Variants in MYO3A observed in about 807,000 individuals in gnomAD.
MYO3A encodes myosin-IIIa.
MYO3A carries 180 observed loss-of-function variants against 192.7 expected under a neutral mutation model. The observed-to-expected ratio is 0.93, with a 90% confidence interval of 0.83 to 1.06. The LOEUF is 1.06. MYO3A is among the 50% of genes least tolerant of loss of function. The pLI, the probability that MYO3A is intolerant of heterozygous loss-of-function variation, is 0.00. For missense variants in MYO3A, 1,896 were observed against 1,905.0 expected, an observed-to-expected ratio of 1.00 and a Z score of 0.09; for synonymous variants, 628 against 645.3, an observed-to-expected ratio of 0.97 and a Z score of 0.41.
At chr10:26,094,158 C>T (rs1024034567) in intron 15 of MYO3A, among the ~76,000 whole-genome samples, 3 of 152,166 alleles carry the variant, frequency 2.0e-5, no homozygotes, top group Admixed American at 6.5e-5. Flanking sequence ...TAATTATTAG[C>T]GTGTCTGTCA....
intron 10 of MYO3A, among the ~76,000 whole-genome samples, chr10:26,047,508 T>G (rs1295108566): frequency 6.6e-6 from 1 of 152,236 alleles, no homozygotes; most frequent in Non-Finnish European, 1.5e-5. Flanking sequence ...GCACAGTGGC[T>G]CACGCCTGTA....
At chr10:26,179,724 A>AG (rs1428730447) in intron 31 of MYO3A, among the ~76,000 whole-genome samples, 1 of 152,236 alleles carries the variant, frequency 6.6e-6, no homozygotes, top group Non-Finnish European at 1.5e-5. Flanking sequence ...GATTTGTTTG[A>AG]GAAAAAAAGA....
In MYO3A at chr10:26,143,553, C is replaced by T. The variant is rs1286709487; in HGVS notation, c.2368C>T (p.Leu790Phe). The T allele has an allele frequency of 8.1e-6, 13 of 1,613,924 alleles. No individual in the cohort carries two copies. Among genetic ancestry groups the T allele is most frequent in the African/African-American group, 1.3e-5 (1 of 74,924 alleles). Residue 790 changes from leucine to phenylalanine, a missense_variant, in exon 21 of 35, where the codon CTT (leucine) becomes TTT (phenylalanine). Physicochemically the swap from Leu to Phe is conservative, Grantham distance 22 (BLOSUM62 0). Coordinates refer to ENST00000642920, the MANE Select transcript of MYO3A (RefSeq NM_017433.5). ...AAAGCCAATGGGTTTACTTTCCCTA[C>T]TTGATGAAGAAAGTAGATTTCCCAA... ...LQKPMGLLSL[L>F]DEESRFPKAT...
chr10:25,996,740 A>T, intron 5 of MYO3A, 146 bp downstream of exon 5: 1 of 733,918 alleles, frequency 1.4e-6, no homozygotes, highest in Non-Finnish European at 2.3e-6. Flanking sequence ...CATGTTCAGC[A>T]TAGCTAATTC....
Position 25,955,000 on chromosome 10 carries a change from G to A in MYO3A, c.295G>A (p.Val99Ile). 2 of 1,612,918 alleles carry A rather than the reference G, an allele frequency of 1.2e-6. No homozygotes were observed. Among genetic ancestry groups the A allele is most frequent in the Middle Eastern group, 3.3e-4 (2 of 6,050 alleles). ...DKVNGDKLWLVLELCSGGSVT... is the reference protein window; with the variant it reads ...DKVNGDKLWLILELCSGGSVT... ...AGTAAATGGAGACAAGCTGTGGTTG[G>A]TTCTTGAGGTAAGTGTGTCAGCATC... Residue 99 changes from valine to isoleucine, a missense_variant, in exon 4 of 35, where the codon GTT (valine) becomes ATT (isoleucine). By Grantham distance (29) the Val-to-Ile change is conservative. Transcript: ENST00000642920.
chr10:26,149,718 AAC>A (rs1564598453), intron 23 of MYO3A, among the ~76,000 whole-genome samples: 2 of 152,238 alleles, frequency 1.3e-5, no homozygotes, highest in African/African-American at 4.8e-5. Flanking sequence ...CCAGCTAATT[AAC>A]ATATACATTA....
At chr10:25,999,750 A>G (rs765572949) in intron 6 of MYO3A, among the ~76,000 whole-genome samples, 2 of 152,158 alleles carry the variant, frequency 1.3e-5, no homozygotes, top group African/African-American at 2.4e-5. Context: ...GCACCACCTC[A>G]TCTGTCTAGA....
chr10:25,963,521 T>A (rs943722334), intron 4 of MYO3A, among the ~76,000 whole-genome samples: 2 of 152,184 alleles, frequency 1.3e-5, no homozygotes, highest in Non-Finnish European at 2.9e-5. Context: ...ATAAAGCCTT[T>A]GCGGACTTGT....
At chr10:25,981,650 A>G (rs1052224344) in intron 4 of MYO3A, among the ~76,000 whole-genome samples, 3 of 152,370 alleles carry the variant, frequency 2.0e-5, no homozygotes, top group Non-Finnish European at 2.9e-5. Context: ...GAGAAATTAT[A>G]TGGATGGCAA....
chr10:26,051,793 A>G (rs1844021877), intron 10 of MYO3A, among the ~76,000 whole-genome samples: 1 of 151,912 alleles, frequency 6.6e-6, no homozygotes, highest in Admixed American at 6.6e-5. Context: ...TTTTATTAGA[A>G]CACAGCTATG....
chr10:26,126,031 T>A (rs1338491164), intron 19 of MYO3A, among the ~76,000 whole-genome samples: 1 of 152,202 alleles, frequency 6.6e-6, no homozygotes, highest in African/African-American at 2.4e-5. Flanking sequence ...TATTTTCATA[T>A]TTTAACTCTC....
chr10:25,987,130 A>G (rs1839702568), intron 4 of MYO3A, among the ~76,000 whole-genome samples: 1 of 152,212 alleles, frequency 6.6e-6, no homozygotes, highest in African/African-American at 2.4e-5. Flanking sequence ...CTATTCAACA[A>G]ATGGTGCTGG....
chr10:25,954,927 C>T lies in MYO3A; in HGVS notation c.222C>T (p.Asp74=). ...AEYNILKALS[D]HPNVVRFYGI... ...ATAACATCTTAAAAGCACTTTCTGA[C>T]CACCCTAATGTGGTCAGATTCTATG... is the stretch of plus-strand genomic sequence containing the variant. The change falls in exon 4 of 35, where the codon GAC becomes GAT. Residue 74 remains aspartate, a synonymous_variant. Coordinates refer to ENST00000642920, the MANE Select transcript of MYO3A (RefSeq NM_017433.5). The T allele has an allele frequency of 6.2e-7, 1 of 1,612,262 alleles. No homozygotes were observed. Among genetic ancestry groups the T allele is most frequent in the South Asian group, 1.1e-5 (1 of 91,046 alleles).
intron 17 of MYO3A, among the ~76,000 whole-genome samples, chr10:26,106,225 C>T (rs1162696571): frequency 2.0e-5 from 3 of 152,044 alleles, no homozygotes; most frequent in Non-Finnish European, 4.4e-5. Context: ...CTGTGATTTT[C>T]ATGATATGTA....
chr10:25,946,514 G>A (rs1001935337), intron 2 of MYO3A, among the ~76,000 whole-genome samples: 10 of 145,736 alleles, frequency 6.9e-5, no homozygotes, highest in Admixed American at 4.9e-4. Flanking sequence ...CTGCTTTTAA[G>A]TTTCCCTTTT....
intron 4 of MYO3A, among the ~76,000 whole-genome samples, chr10:25,992,460 G>T (rs1346865122): frequency 6.6e-6 from 1 of 152,106 alleles, no homozygotes; most frequent in African/African-American, 2.4e-5. Flanking sequence ...CTGCAAACAG[G>T]GACAATTTGA....
chr10:25,935,039 G>C (rs1835958154), intron 1 of MYO3A, among the ~76,000 whole-genome samples: 1 of 152,032 alleles, frequency 6.6e-6, no homozygotes, highest in Non-Finnish European at 1.5e-5. Flanking sequence ...CGGGCTTTGC[G>C]GCGCCGCCCA....
intron 10 of MYO3A, among the ~76,000 whole-genome samples, chr10:26,045,017 T>C (rs1459017721): frequency 1.3e-5 from 2 of 151,988 alleles, no homozygotes; most frequent in Admixed American, 1.3e-4. Context: ...AGGAGCAAAA[T>C]CCCTGGCAGA....
chr10:26,176,144 A>G (rs1842318170), intron 30 of MYO3A, among the ~76,000 whole-genome samples: 2 of 152,064 alleles, frequency 1.3e-5, no homozygotes, highest in African/African-American at 2.4e-5. Flanking sequence ...AATACAAAAA[A>G]TCAGCCGGGC....
Sources: allele counts gnomAD v4.1 joint callset (sites outside exome capture counted in the v4.1 genomes callset), GRCh38; gene constraint gnomAD v4.1.1; transcripts MANE v1.5; gene names NCBI Gene and HGNC (gene_info 2026-07-23, HGNC 2026-07-21).